NUP214: variants seen among roughly 807,000 people sequenced by gnomAD.
The protein encoded by NUP214 is nucleoporin 214, also known as nuclear pore complex protein Nup214.
Under a neutral mutation model 196.2 loss-of-function variants are expected in NUP214, and 79 were observed. The observed-to-expected ratio is 0.40, with a 90% CI of 0.34 to 0.49. NUP214 has a LOEUF of 0.49. Ranked by LOEUF, NUP214 falls within the 20% of genes least tolerant of loss-of-function variation. The pLI is 0.58. For synonymous variants in NUP214, 1,020 were observed against 990.5 expected (o/e 1.03, Z -0.56); for missense variants, 2,468 against 2,539.0 (o/e 0.97, Z 0.60).
Position 131,125,918 on chromosome 9 carries a change from C to T in NUP214, c.45+169C>T. 1.3e-6 allele frequency: 1 copy of T among 774,402 alleles called. No individual in the cohort carries two copies. The highest frequency in any genetic ancestry group is 2.8e-5 in the East Asian group (1 of 35,874). The allele number at this position is 774,402 out of a possible 1,614,324, so 48.0% of individuals were successfully genotyped here. ...CGCGCCGCTGGCGTGATAGCCCCAC[C>T]GAATGCAGTTTCCCAGTCCCATCCT... On this transcript the variant is annotated intron_variant, in intron 1 of 35. Transcript: ENST00000359428. This position sits in a 1 kb window ranked among gnomAD's most constrained non-coding sequence, Gnocchi z 4.1.
rs749135374 is a variant in NUP214, at chr9:131,228,199, C to T, written c.5942C>T (p.Thr1981Ile). 2.5e-6 allele frequency: 4 copies of T among 1,603,698 alleles called. No individual in the cohort carries two copies. The Admixed American group carries it at 5.2e-5, about 21-fold the overall frequency. The change falls in exon 33 of 36, where the codon ACT becomes ATT. Residue 1981 changes from threonine (T) to isoleucine (I), a missense_variant. This residue lies in a region of NUP214 where 262 missense variants were observed against 296.5 expected (regional missense o/e 0.88). Transcript: ENST00000359428. ...GAAPVFGSPP[T>I]FGGSPGFGGV... ...GCTCCAGTGTTTGGCAGCCCTCCTACTTTTGGGGGATCCCCTGGGTTTGGA... is the reference window on the plus strand; with the variant it reads ...GCTCCAGTGTTTGGCAGCCCTCCTATTTTTGGGGGATCCCCTGGGTTTGGA...
intron 32 of NUP214, among the ~76,000 whole-genome samples, chr9:131,223,709 A>ATTT (rs1307889024): frequency 6.2e-5 from 2 of 32,376 alleles, no homozygotes; most frequent in African/African-American, 2.0e-4. Context: ...CTTTTTTTTT[A>ATTT]TTTTTATTTA....
chr9:131,150,558 C>T (rs1013579938), intron 15 of NUP214, 58 bp from the exon 16 acceptor site: 2 of 1,593,422 alleles, frequency 1.3e-6, no homozygotes, highest in Non-Finnish European at 8.6e-7. Context: ...AGCACGATAG[C>T]AGTGACATTA....
At chr9:131,182,543 C>T (rs1477871957) in intron 24 of NUP214, among the ~76,000 whole-genome samples, 1 of 152,180 alleles carries the variant, frequency 6.6e-6, no homozygotes, top group Non-Finnish European at 1.5e-5. Context: ...TGAAACCATC[C>T]CCCTCCGCTG....
intron 31 of NUP214, among the ~76,000 whole-genome samples, chr9:131,217,929 G>A (rs11244325): frequency 5.3e-5 from 8 of 152,294 alleles, no homozygotes; most frequent in East Asian, 3.9e-4. Flanking sequence ...TGGTGACATC[G>A]TTTGGGGTAA....
Position 131,232,135 on chromosome 9 carries a change from G to T in NUP214, c.6215-149G>T, listed in dbSNP as rs913334350. 6.6e-6 allele frequency: 5 copies of T among 760,078 alleles called. No homozygotes were observed. The African/African-American group carries it at 6.9e-5, about 10-fold the overall frequency. 47.1% of individuals were successfully genotyped at this position (760,078 alleles called of 1,614,324 possible). On this transcript the variant is annotated intron_variant, in intron 34 of 35. Transcript: ENST00000359428. This position sits in a 1 kb window ranked among gnomAD's most constrained non-coding sequence, Gnocchi z 5.1. ...ACAAACTCAGAATAAAGGGGCTTCT[G>T]TGTGTACCTTTCCTGCCTTCCTGTA...
intron 16 of NUP214, among the ~76,000 whole-genome samples, chr9:131,151,251 T>C (rs1170827383): frequency 1.3e-5 from 2 of 152,366 alleles, no homozygotes; most frequent in Non-Finnish European, 2.9e-5. Context: ...TCACTTGTAT[T>C]ATCTCACTGA....
chr9:131,132,849 A>G, intron 6 of NUP214, 190 bp downstream of exon 6: 1 of 622,010 alleles, frequency 1.6e-6, no homozygotes, highest in East Asian at 2.8e-5. Context: ...GTTTCACGAT[A>G]AATGACATGA....
intron 2 of NUP214, 82 bp from the exon 3 acceptor site, chr9:131,128,250 T>G: frequency 7.2e-7 from 1 of 1,393,836 alleles, no homozygotes; most frequent in South Asian, 1.5e-5. Flanking sequence ...TGCAAAAATT[T>G]TTTCACATCG....
At chr9:131,227,757 T>G (rs1179585283) in intron 32 of NUP214, among the ~76,000 whole-genome samples, 3 of 152,070 alleles carry the variant, frequency 2.0e-5, no homozygotes, top group South Asian at 2.1e-4. Flanking sequence ...GGATTGGAGT[T>G]TTTGAGAATG....
intron 28 of NUP214, 131 bp from the exon 29 acceptor site, chr9:131,197,085 C>G: frequency 8.0e-7 from 1 of 1,247,696 alleles, no homozygotes; most frequent in East Asian, 2.4e-5. Context: ...GAGAAAGCTG[C>G]TGTGAGAACA....
chr9:131,134,236 C>T (rs1831647342), intron 7 of NUP214, among the ~76,000 whole-genome samples: 1 of 152,184 alleles, frequency 6.6e-6, no homozygotes. Flanking sequence ...TGAGCCACCA[C>T]ACCTGGCTGG....
intron 31 of NUP214, among the ~76,000 whole-genome samples, chr9:131,218,499 T>C (rs1834466297): frequency 6.6e-6 from 1 of 152,192 alleles, no homozygotes. Context: ...CTGATTCTCC[T>C]GGTTCCTTCT....
chr9:131,160,342 C>T (rs936739079), intron 18 of NUP214, among the ~76,000 whole-genome samples: 4 of 152,162 alleles, frequency 2.6e-5, no homozygotes, highest in Admixed American at 2.0e-4. Flanking sequence ...TTCCGTAATA[C>T]TCTTCTGTAT....
chr9:131,232,522 T>A lies in NUP214; in HGVS notation c.6239+214T>A. 1 of 620,930 alleles carries A rather than the reference T, an allele frequency of 1.6e-6. No homozygotes were observed. Among genetic ancestry groups the A allele is most frequent in the East Asian group, 2.8e-5 (1 of 36,042 alleles). 38.5% of individuals were successfully genotyped at this position (620,930 alleles called of 1,614,324 possible). On this transcript the variant is annotated intron_variant, in intron 35 of 35. Transcript: ENST00000359428. The surrounding 1 kb of genome is among the most constrained non-coding windows in gnomAD (Gnocchi z 5.1). ...CAGGAGGTGCCAGGCCTCGCCTTCTTAAGAGGCGTGGTTCAAAGAGAAAAG... is the reference window on the plus strand; with the variant it reads ...CAGGAGGTGCCAGGCCTCGCCTTCTAAAGAGGCGTGGTTCAAAGAGAAAAG...
chr9:131,159,175 G>T, intron 17 of NUP214: 1 of 553,470 alleles, frequency 1.8e-6, no homozygotes, highest in South Asian at 2.4e-5. Context: ...TGGCCTCCCA[G>T]GGTGTTGGGA....
intron 14 of NUP214, 35 bp downstream of exon 14, chr9:131,147,619 ATT>A: frequency 7.0e-7 from 1 of 1,429,236 alleles, no homozygotes; most frequent in South Asian, 1.2e-5. Flanking sequence ...GTTTGTGTTT[ATT>A]AATTTACTGC....
chr9:131,203,817 A>G (rs1408492900), intron 30 of NUP214, among the ~76,000 whole-genome samples: 2 of 152,248 alleles, frequency 1.3e-5, no homozygotes, highest in Non-Finnish European at 2.9e-5. Context: ...GGAGCCCAGA[A>G]GCCAGTTGTG....
Position 131,141,478 on chromosome 9 carries a change from C to CTTTTT in NUP214, c.1294+784_1294+788dup, listed in dbSNP as rs3057295. On this transcript the variant is annotated intron_variant, in intron 11 of 35. Transcript: ENST00000359428. ...CATTTGTATCACTTGTGAAAAGAAA[C>CTTTTT]TTTTTTTTTTTTTTTTTTTTGTGGA... 3.3e-3 allele frequency among the ~76,000 whole-genome samples: 395 copies of CTTTTT among 118,690 alleles called. 4 individuals carry two copies. The highest frequency in any genetic ancestry group is 5.1e-3 in the East Asian group (20 of 3,950). The allele number at this position is 118,690 out of a possible 152,430, so 77.9% of individuals were successfully genotyped here.
Sources: gnomAD v4.1 joint callset for allele counts (sites outside exome capture counted in the v4.1 genomes callset) on GRCh38, gnomAD v4.1.1 for gene constraint, gnomAD v4.1.1 regional missense constraint, Gnocchi (gnomAD v3.1) non-coding constraint, MANE v1.5 for transcripts, NCBI Gene and HGNC (gene_info 2026-07-23, HGNC 2026-07-21) for gene names.